Variants in C5orf15 observed in about 807,000 individuals in gnomAD.
C5orf15 encodes the protein keratinocyte-associated transmembrane protein 2.
C5orf15 carries 10 observed loss-of-function variants against 17.8 expected under a neutral mutation model. The ratio of observed to expected loss-of-function variants is 0.56; its 90% CI spans 0.35 to 0.95. The LOEUF (loss-of-function observed/expected upper bound fraction) is 0.95. Ranked by LOEUF, C5orf15 falls within the 40% of genes least tolerant of loss-of-function variation. The probability of loss-of-function intolerance (pLI) is 0.02; values close to 1 mark genes in which losing one functional copy is unlikely to be tolerated. For missense variants in C5orf15, 319 were observed against 331.7 expected (o/e 0.96, Z 0.30); for synonymous variants, 124 against 131.0 (o/e 0.95, Z 0.36).
At position 133,968,562 on chromosome 5, in the gene C5orf15, C is replaced by G; in HGVS notation, c.23G>C (p.Arg8Thr). ...TTTCGCTTGTGCTGGCCCCCTCATCCTCTTCGGGACGGCAGCGGCCATAAC... is the reference window on the plus strand; with the variant it reads ...TTTCGCTTGTGCTGGCCCCCTCATCGTCTTCGGGACGGCAGCGGCCATAAC... MAAAVPK[R>T]MRGPAQAKLL... Residue 8 changes from arginine to threonine, a missense_variant, in exon 1 of 3, where the codon AGG (arginine) becomes ACG (threonine). Arg to Thr is a moderately conservative substitution (Grantham distance 71). Coordinates refer to ENST00000231512, the MANE Select transcript of C5orf15 (RefSeq NM_020199.3). The G allele has an allele frequency of 6.2e-7, 1 of 1,609,892 alleles. No individual in the cohort carries two copies. The highest frequency in any genetic ancestry group is 8.5e-7 in the Non-Finnish European group (1 of 1,178,672).
Position 133,956,878 on chromosome 5 carries a change from G to A in C5orf15, c.779C>T (p.Thr260Ile), listed in dbSNP as rs750589127. ...AGTGCTTTAAAAAATATAATCATTGGTAATCTTCAAAGAAGGCATTGCCTC... is the reference window on the plus strand; with the variant it reads ...AGTGCTTTAAAAAATATAATCATTGATAATCTTCAAAGAAGGCATTGCCTC... ...VNEAMPSLKI[T>I]NDYIF Residue 260 changes from threonine (T) to isoleucine (I), a missense_variant, in exon 3 of 3, where the codon ACC (threonine) becomes ATC (isoleucine). Physicochemically the swap from Thr to Ile is moderately conservative, Grantham distance 89. This residue lies in a region of C5orf15 where 175 missense variants were observed against 192.4 expected (regional missense o/e 0.91). Transcript: ENST00000231512. 1.9e-6 allele frequency: 3 copies of A among 1,592,334 alleles called. No homozygotes were observed. The South Asian group carries it at 3.5e-5, about 19-fold the overall frequency.
rs776510078 is a variant in C5orf15, at chr5:133,959,989, G to A, written c.171C>T (p.Thr57=). The A allele has an allele frequency of 1.7e-5, 28 of 1,611,088 alleles. No homozygotes were observed. In the Admixed American group the frequency reaches 2.0e-4, roughly 12 times the overall value. The change falls in exon 2 of 3, where the codon ACC becomes ACT. Residue 57 remains threonine (T), a synonymous_variant. Coordinates refer to ENST00000231512, the MANE Select transcript of C5orf15 (RefSeq NM_020199.3). The part of the protein sequence containing the change: ...VVSRTDSPSP[T]VLNSHISTPN... ...GGGTAGAAATATGTGAGTTGAGTAC[G>A]GTTGGGCTCGGTGAATCAGTCCGTG...
intron 1 of C5orf15, among the ~76,000 whole-genome samples, chr5:133,965,987 G>A (rs1752185070): frequency 6.6e-6 from 1 of 151,978 alleles, no homozygotes; most frequent in Admixed American, 6.5e-5. Context: ...CACTTTGGGA[G>A]GCCAAGGCGG....
rs767147606 is a variant in C5orf15, at chr5:133,968,543, T to C, written c.42A>G (p.Gln14=). The C allele has an allele frequency of 1.2e-6, 2 of 1,609,742 alleles. No individual in the cohort carries two copies. Among genetic ancestry groups the C allele is most frequent in the East Asian group, 2.2e-5 (1 of 44,788 alleles). ...AVPKRMRGPA[Q]AKLLPGSAIQ... is the part of the protein sequence containing the mutation. ...TGGCCGACCCGGGCAGCAGTTTCGC[T>C]TGTGCTGGCCCCCTCATCCTCTTCG... Residue 14 remains glutamine (Q), a synonymous_variant, in exon 1 of 3, where the codon CAA becomes CAG. Coordinates refer to ENST00000231512, the MANE Select transcript of C5orf15 (RefSeq NM_020199.3).
rs1430334242 is a variant in C5orf15 at position 133,959,686 on chromosome 5, G to T, written c.474C>A (p.Gly158=). 6.2e-7 allele frequency: 1 copy of T among 1,613,444 alleles called. No individual in the cohort carries two copies. The highest frequency in any genetic ancestry group is 1.7e-5 in the Admixed American group (1 of 59,910). ...CATCAGACTCGTCGTCGTCCCTGGG[G>T]CCCGTGGTCCAGTCATAGTCTGGTT... ...YGEPDYDWTT[G]PRDDDESDDT... is the part of the protein sequence containing the mutation. Residue 158 remains glycine (G), a synonymous_variant, in exon 2 of 3, where the codon GGC becomes GGA. Coordinates refer to ENST00000231512, the MANE Select transcript of C5orf15 (RefSeq NM_020199.3).
intron 2 of C5orf15, among the ~76,000 whole-genome samples, chr5:133,959,194 C>T (rs904077407): frequency 2.0e-5 from 3 of 151,846 alleles, no homozygotes; most frequent in African/African-American, 7.3e-5. Context: ...AGCGACACCT[C>T]GTCTCTACAA....
Position 133,959,294 on chromosome 5 carries a change from T to A in C5orf15, c.666+200A>T, listed in dbSNP as rs80298114. 9.7e-4 allele frequency among the ~76,000 whole-genome samples: 146 copies of A among 150,014 alleles called. 3 individuals are homozygous for A. The East Asian group carries it at 0.026, about 27-fold the overall frequency. On this transcript the variant is annotated intron_variant, in intron 2 of 2. Transcript: ENST00000231512. ...CTGTAGTCCCACCAACTCGACAGGC[T>A]GAGGCAAGAGAATCACTTAAGCCTA... is the stretch of plus-strand genomic sequence containing the variant.
chr5:133,956,942 T>C lies in C5orf15; in HGVS notation c.715A>G (p.Lys239Glu), dbSNP rs1752050297. The C allele has an allele frequency of 6.2e-7, 1 of 1,611,900 alleles. No individual in the cohort carries two copies. The highest frequency in any genetic ancestry group is 8.5e-7 in the Non-Finnish European group (1 of 1,179,578). ...TCTAGGCGATGGTATTCCACTGTTT[T>C]GGAACAAAGGCCATCACGCCATTTC... The part of the protein sequence containing the change: ...SRKWRDGLCS[K>E]TVEYHRLDQN... The change falls in exon 3 of 3, where the codon AAA (lysine) becomes GAA (glutamate). Residue 239 changes from lysine (K) to glutamate (E), a missense_variant. Lys to Glu is a moderately conservative substitution (Grantham distance 56). Transcript: ENST00000231512.
chr5:133,968,348 T>G, intron 1 of C5orf15, 98 bp downstream of exon 1: 1 of 1,490,294 alleles, frequency 6.7e-7, no homozygotes, highest in Non-Finnish European at 9.1e-7. Flanking sequence ...CGTCTGCTCC[T>G]GACACTTGGA....
chr5:133,957,477 C>T (rs1752056438), intron 2 of C5orf15, among the ~76,000 whole-genome samples: 1 of 152,144 alleles, frequency 6.6e-6, no homozygotes, highest in Non-Finnish European at 1.5e-5. Context: ...GATTCCTAGG[C>T]TCTATCTTCA....
At chr5:133,963,214 T>C (rs2126877990) in intron 1 of C5orf15, among the ~76,000 whole-genome samples, 1 of 152,372 alleles carries the variant, frequency 6.6e-6, no homozygotes, top group South Asian at 2.1e-4. Context: ...CAATCACATT[T>C]TCCTCTAACC....
Position 133,968,592 on chromosome 5 carries a change from T to TGTTA in C5orf15, c.-9_-8insTAAC, listed in dbSNP as rs1752232458. On this transcript the variant is annotated 5_prime_UTR_variant, in exon 1 of 3. Transcript: ENST00000231512. ...CGGGACGGCAGCGGCCATAACGGAC[T>TGTTA]CGGCTGGGAGCCTGCGCTGTTGCTA... The TGTTA allele has an allele frequency of 1.2e-6, 2 of 1,603,536 alleles. No individual in the cohort carries two copies. Among genetic ancestry groups the TGTTA allele is most frequent in the Non-Finnish European group, 1.7e-6 (2 of 1,175,728 alleles).
chr5:133,960,174 C>T (rs561742750), intron 1 of C5orf15, among the ~76,000 whole-genome samples, 154 bp from the exon 2 acceptor site: 27 of 152,202 alleles, frequency 1.8e-4, no homozygotes, highest in Non-Finnish European at 3.5e-4. Flanking sequence ...AGCCAGCATT[C>T]AGTTACATTT....
chr5:133,961,272 C>A (rs1375942168), intron 1 of C5orf15, among the ~76,000 whole-genome samples: 1 of 144,156 alleles, frequency 6.9e-6, no homozygotes, highest in Non-Finnish European at 1.5e-5. Flanking sequence ...AAGGCCAGGC[C>A]CTGTGGCTCA....
At chr5:133,960,060 T>G (rs758410337) in intron 1 of C5orf15, 40 bp from the exon 2 acceptor site, 1 of 1,536,550 alleles carries the variant, frequency 6.5e-7, no homozygotes. Context: ...ATCTCCAACT[T>G]TATCTCCACC....
intron 2 of C5orf15, 88 bp downstream of exon 2, chr5:133,959,404 CAA>C (rs397999300): frequency 0.024 from 2,952 of 123,884 alleles, no homozygotes; most frequent in South Asian, 0.046. Flanking sequence ...CTTTTTTTTG[CAA>C]AAAAAAAAAA....
At chr5:133,965,862 T>C (rs1752183549) in intron 1 of C5orf15, among the ~76,000 whole-genome samples, 1 of 152,014 alleles carries the variant, frequency 6.6e-6, no homozygotes, top group African/African-American at 2.4e-5. Context: ...GAGGCGGAAG[T>C]TGCAATGGGC....
Position 133,959,538 on chromosome 5 carries a change from A to C in C5orf15, c.622T>G (p.Phe208Val). Reference protein sequence around the residue: ...HFFFHLIIFAFCIAVVYITYH... With the variant: ...HFFFHLIIFAVCIAVVYITYH... Reference sequence around the variant, plus strand: ...GTAATGTAAACAACAGCAATGCAAAAAGCAAAAATAATAAGATGAAAAAAG... The same window carrying C: ...GTAATGTAAACAACAGCAATGCAAACAGCAAAAATAATAAGATGAAAAAAG... The change falls in exon 2 of 3, where the codon TTT (phenylalanine) becomes GTT (valine). Residue 208 changes from phenylalanine to valine, a missense_variant. Around this residue, in one of 3 missense-constraint regions of C5orf15, gnomAD observed 175 missense variants for 192.4 expected, o/e 0.91. Transcript: ENST00000231512. 6.3e-7 allele frequency: 1 copy of C among 1,594,530 alleles called. No individual in the cohort carries two copies. Among genetic ancestry groups the C allele is most frequent in the Non-Finnish European group, 8.5e-7 (1 of 1,172,312 alleles).
At chr5:133,963,755 T>A (rs1752153934) in intron 1 of C5orf15, among the ~76,000 whole-genome samples, 1 of 151,844 alleles carries the variant, frequency 6.6e-6, no homozygotes, top group African/African-American at 2.4e-5. Context: ...CTCATTTTAT[T>A]TTTTTCTTTT....
Sources: allele counts gnomAD v4.1 joint callset (sites outside exome capture counted in the v4.1 genomes callset), GRCh38; gene constraint gnomAD v4.1.1; regional missense constraint gnomAD v4.1.1; transcripts MANE v1.5; gene names NCBI Gene and HGNC (gene_info 2026-07-23, HGNC 2026-07-21).